The following KIAA1217 variants were observed in gnomAD, a reference collection of about 807,000 sequenced individuals.
The protein encoded by KIAA1217 is sickle tail protein homolog.
A neutral mutation model predicts 163.9 loss-of-function variants in KIAA1217; 88 were observed. The ratio of observed to expected loss-of-function variants is 0.54; its 90% CI spans 0.45 to 0.64. KIAA1217 has a LOEUF of 0.64. Ranked by LOEUF, KIAA1217 falls within the 30% of genes least tolerant of loss-of-function variation. The pLI, the probability that KIAA1217 is intolerant of heterozygous loss-of-function variation, is 0.00. For synonymous variants in KIAA1217, 903 were observed against 923.1 expected (o/e 0.98, Z 0.39); for missense variants, 2,372 against 2,475.0 (o/e 0.96, Z 0.88).
intron 6 of KIAA1217, among the ~76,000 whole-genome samples, chr10:24,477,634 A>G (rs2064187461): frequency 6.6e-6 from 1 of 152,240 alleles, no homozygotes; most frequent in African/African-American, 2.4e-5. Context: ...ACACAGTAGA[A>G]TTTGCATAAT....
In KIAA1217 at chr10:23,826,095, A is replaced by T. The variant is rs7069014; in HGVS notation, c.-321+130861A>T. ...CTTTAACCTGAACCCTAACTTTGTG[A>T]TGTAAGAGTGAGTTGAGTCTATCTA... On this transcript the variant is annotated intron_variant, in intron 1 of 18. Coordinates refer to the KIAA1217 transcript ENST00000376462. 7.1e-3 allele frequency among the ~76,000 whole-genome samples: 1,074 copies of T among 152,230 alleles called. 19 individuals are homozygous for T. Among genetic ancestry groups the T allele is most frequent in the African/African-American group, 0.025 (1,030 of 41,536 alleles).
chr10:24,465,929 C>T (rs1424695741), intron 5 of KIAA1217, among the ~76,000 whole-genome samples: 1 of 152,118 alleles, frequency 6.6e-6, no homozygotes, highest in Non-Finnish European at 1.5e-5. Context: ...TCTATCTTTC[C>T]TTCTCGTTTC....
At chr10:23,873,028 G>C (rs1366192930) in intron 1 of KIAA1217, among the ~76,000 whole-genome samples, 1 of 151,998 alleles carries the variant, frequency 6.6e-6, no homozygotes, top group African/African-American at 2.4e-5. Flanking sequence ...CTTGCATTTT[G>C]TTCAATTAGA....
chr10:24,539,062 A>G (rs1259206679), intron 17 of KIAA1217, among the ~76,000 whole-genome samples: 1 of 151,582 alleles, frequency 6.6e-6, no homozygotes, highest in Non-Finnish European at 1.5e-5. Context: ...AGTATGTGGA[A>G]TTTCCTTATG....
intron 2 of KIAA1217, among the ~76,000 whole-genome samples, chr10:24,076,004 G>A (rs1477746432): frequency 6.6e-6 from 1 of 152,096 alleles, no homozygotes; most frequent in Admixed American, 6.5e-5. Flanking sequence ...AGAAGCCTGA[G>A]AATTTTTCTG....
chr10:24,264,768 TC>T (rs2076055284), intron 2 of KIAA1217, among the ~76,000 whole-genome samples: 2 of 13,534 alleles, frequency 1.5e-4, no homozygotes, highest in African/African-American at 2.9e-4. Flanking sequence ...TCGGTCTTTC[TC>T]TCTCTCTCTC....
intron 2 of KIAA1217, among the ~76,000 whole-genome samples, chr10:24,137,100 T>C (rs1482570479): frequency 2.6e-5 from 4 of 152,218 alleles, no homozygotes; most frequent in African/African-American, 7.2e-5. Flanking sequence ...TGTAAAAACA[T>C]GCATCATGTG....
At chr10:24,399,398 A>C (rs921809811) in intron 3 of KIAA1217, among the ~76,000 whole-genome samples, 1 of 152,048 alleles carries the variant, frequency 6.6e-6, no homozygotes, top group African/African-American at 2.4e-5. Flanking sequence ...TTCCCAATTC[A>C]AAAAAATGCT....
chr10:24,216,025 C>T (rs1235860462), intron 1 of KIAA1217, among the ~76,000 whole-genome samples: 1 of 152,030 alleles, frequency 6.6e-6, no homozygotes, highest in Non-Finnish European at 1.5e-5. Context: ...CCTTGTTAAG[C>T]AACTGGAGAT....
At chr10:24,018,723 A>G (rs1847602233) in intron 2 of KIAA1217, among the ~76,000 whole-genome samples, 1 of 152,074 alleles carries the variant, frequency 6.6e-6, no homozygotes, top group Non-Finnish European at 1.5e-5. Context: ...TCCAAAGATA[A>G]TGGAATCAAT....
At chr10:23,962,848 C>A (rs1372648025) in intron 1 of KIAA1217, among the ~76,000 whole-genome samples, 1 of 152,140 alleles carries the variant, frequency 6.6e-6, no homozygotes, top group African/African-American at 2.4e-5. Flanking sequence ...GGAACATGAC[C>A]AGCTCCCCTT....
intron 2 of KIAA1217, among the ~76,000 whole-genome samples, chr10:24,256,814 A>G (rs2075214141): frequency 1.3e-5 from 2 of 152,176 alleles, no homozygotes; most frequent in African/African-American, 4.8e-5. Context: ...TTGAGGTGAT[A>G]TTGAGCCAGC....
chr10:24,410,811 T>C (rs1021775894), intron 3 of KIAA1217, among the ~76,000 whole-genome samples: 1 of 152,242 alleles, frequency 6.6e-6, no homozygotes, highest in African/African-American at 2.4e-5. Flanking sequence ...ATTTTGTTTT[T>C]CAGCATAAAA....
intron 1 of KIAA1217, among the ~76,000 whole-genome samples, chr10:23,919,121 A>G (rs1430016805): frequency 6.6e-6 from 1 of 152,110 alleles, no homozygotes; most frequent in East Asian, 1.9e-4. Flanking sequence ...GTCTATTGTC[A>G]TTGGTTTGGG....
chr10:23,797,494 C>T lies in KIAA1217; in HGVS notation c.-321+102260C>T, dbSNP rs563606629. Among the ~76,000 whole-genome samples the T allele has an allele frequency of 2.2e-4, 33 of 152,226 alleles. 1 individual carries two copies. Among genetic ancestry groups the T allele is most frequent in the African/African-American group, 7.9e-4 (33 of 41,530 alleles). On this transcript the variant is annotated intron_variant, in intron 1 of 18. Transcript: ENST00000376462. ...GTTCTCACACTGCTATAAAGAACTA[C>T]CGAGACTGGGTAATTTATGAAGCAA...
At chr10:24,388,296 C>A (rs750052488) in intron 3 of KIAA1217, among the ~76,000 whole-genome samples, 4 of 152,098 alleles carry the variant, frequency 2.6e-5, no homozygotes, top group Non-Finnish European at 5.9e-5. Context: ...CAAAAACAAG[C>A]AATGGGGAAA....
rs1162794977 is a variant in KIAA1217 at position 23,934,607 on chromosome 10, GTA to G, written c.-320-72600_-320-72599del. The stretch of plus-strand genomic sequence containing the variant: ...TATATATATGTATATATATATATAT[GTA>G]TATATATATATATATATTTTTTTTT... On this transcript the variant is annotated intron_variant, in intron 1 of 18. Transcript: ENST00000376462. 3.5e-4 allele frequency among the ~76,000 whole-genome samples: 13 copies of G among 37,094 alleles called. 1 individual carries two copies. Among genetic ancestry groups the G allele is most frequent in the East Asian group, 1.3e-3 (3 of 2,370 alleles). 24.3% of individuals were successfully genotyped at this position (37,094 alleles called of 152,430 possible). A position where few individuals can be genotyped will look rare whatever the true frequency, so the allele number is the denominator to read the frequency against.
intron 1 of KIAA1217, among the ~76,000 whole-genome samples, chr10:23,906,275 A>C (rs185719708): frequency 1.1e-4 from 16 of 147,650 alleles, no homozygotes; most frequent in East Asian, 3.9e-4. Context: ...CACACACACA[A>C]AAATACACAT....
chr10:23,915,371 G>A (rs373528741), intron 1 of KIAA1217, among the ~76,000 whole-genome samples: 5 of 152,242 alleles, frequency 3.3e-5, no homozygotes, highest in Middle Eastern at 3.4e-3. Context: ...GAGGGAAGTC[G>A]TGGATGTTTC....
Sources: allele counts gnomAD v4.1 joint callset (sites outside exome capture counted in the v4.1 genomes callset), GRCh38; gene constraint gnomAD v4.1.1; transcripts MANE v1.5; gene names NCBI Gene and HGNC (gene_info 2026-07-23, HGNC 2026-07-21).